RAB11FIP4: variants seen among roughly 807,000 people sequenced by gnomAD.
RAB11FIP4 encodes RAB11 family interacting protein 4.
A neutral mutation model predicts 74.3 loss-of-function variants in RAB11FIP4; 23 were observed. That is an observed-to-expected ratio of 0.31 (90% CI 0.22 to 0.44). The LOEUF (loss-of-function observed/expected upper bound fraction) is 0.44. Ranked by LOEUF, RAB11FIP4 falls within the 20% of genes least tolerant of loss-of-function variation. The probability of loss-of-function intolerance (pLI) is 1.00; values close to 1 mark genes in which losing one functional copy is unlikely to be tolerated. For synonymous variants in RAB11FIP4, 360 were observed against 359.9 expected, an observed-to-expected ratio of 1.00 and a Z score of 0.00; for missense variants, 630 against 863.9, an observed-to-expected ratio of 0.73 and a Z score of 3.39.
At chr17:31,497,583 A>G (rs995016916) in intron 3 of RAB11FIP4, among the ~76,000 whole-genome samples, 1 of 151,994 alleles carries the variant, frequency 6.6e-6, no homozygotes, top group Non-Finnish European at 1.5e-5. Flanking sequence ...GAGAGGAGGA[A>G]GAGTGGTGGG....
chr17:31,401,633 C>T (rs1168495961), intron 1 of RAB11FIP4, among the ~76,000 whole-genome samples: 1 of 152,230 alleles, frequency 6.6e-6, no homozygotes, highest in African/African-American at 2.4e-5. Context: ...AGAAGATTGC[C>T]AGCTTCCTCC....
At chr17:31,488,318 C>T in intron 3 of RAB11FIP4, 4 of 1,095,914 alleles carry the variant, frequency 3.6e-6, no homozygotes, top group African/African-American at 1.7e-5. Flanking sequence ...TCCGGCGGCG[C>T]GCACCTGGCT....
chr17:31,525,110 T>C lies in RAB11FIP4; in HGVS notation c.1154T>C (p.Met385Thr), dbSNP rs1435466745. 6.5e-7 allele frequency: 1 copy of C among 1,550,196 alleles called. No homozygotes were observed. Among genetic ancestry groups the C allele is most frequent in the Non-Finnish European group, 8.7e-7 (1 of 1,147,044 alleles). ...LVHRVHELEE[M>T]VKDQETTAEQ... ...CTCAGGGTGCATGAGCTGGAGGAGA[T>C]GGTGAAGGATCAGGAGACCACGGCC... is the stretch of plus-strand genomic sequence containing the variant. Residue 385 changes from methionine (M) to threonine (T), a missense_variant, in exon 10 of 15, where the codon ATG becomes ACG. Transcript: ENST00000621161.
chr17:31,398,814 C>A (rs1253394993), intron 1 of RAB11FIP4, among the ~76,000 whole-genome samples: 1 of 152,202 alleles, frequency 6.6e-6, no homozygotes, highest in Non-Finnish European at 1.5e-5. Flanking sequence ...CCAGGAGATT[C>A]CTGTGTGCTG....
intron 1 of RAB11FIP4, among the ~76,000 whole-genome samples, chr17:31,414,342 C>G (rs2071127371): frequency 6.6e-6 from 1 of 152,248 alleles, no homozygotes; most frequent in Admixed American, 6.5e-5. Context: ...TCCTGGGAGC[C>G]TCTCTGTCTC....
intron 3 of RAB11FIP4, among the ~76,000 whole-genome samples, chr17:31,453,640 C>T (rs1237473569): frequency 6.6e-6 from 1 of 151,588 alleles, no homozygotes; most frequent in Non-Finnish European, 1.5e-5. Flanking sequence ...GCCTGGCCAA[C>T]ATGGTGAAAT....
chr17:31,527,469 T>C, intron 10 of RAB11FIP4: 1 of 183,758 alleles, frequency 5.4e-6, no homozygotes, highest in East Asian at 1.4e-4. Flanking sequence ...GGCGTGGTGG[T>C]GCATGCCTCT....
rs377422032 is a variant in RAB11FIP4 at position 31,403,612 on chromosome 17, G to A, written c.159+11601G>A. ...CCTGGGGTTACAGGCATGAGCCACCGCGCCCGGCCCTGCCTTTGTATTTCT... is the reference window on the plus strand; with the variant it reads ...CCTGGGGTTACAGGCATGAGCCACCACGCCCGGCCCTGCCTTTGTATTTCT... On this transcript the variant is annotated intron_variant, in intron 1 of 14. Transcript: ENST00000621161. Among the ~76,000 whole-genome samples the A allele has an allele frequency of 1.9e-4, 29 of 152,214 alleles. 2 individuals carry two copies. The highest frequency in any genetic ancestry group is 9.7e-4 in the East Asian group (5 of 5,166).
intron 3 of RAB11FIP4, among the ~76,000 whole-genome samples, chr17:31,463,185 G>T (rs1043244060): frequency 1.3e-5 from 2 of 152,212 alleles, no homozygotes; most frequent in African/African-American, 4.8e-5. Context: ...AGGCCGCTCA[G>T]CTTAATGGAG....
Position 31,536,134 on chromosome 17 carries a change from G to C in RAB11FIP4, c.*4402G>C, listed in dbSNP as rs939781212. On this transcript the variant is annotated 3_prime_UTR_variant, in exon 15 of 15. Transcript: ENST00000621161. Reference sequence around the variant, plus strand: ...GGCCAGCAGGGCCAGGTGAAACTGGGAGAAATGAAGCCCTCTGTGTCCTGT... The same window carrying C: ...GGCCAGCAGGGCCAGGTGAAACTGGCAGAAATGAAGCCCTCTGTGTCCTGT... 6.6e-6 allele frequency: 1 copy of C among 152,136 alleles called. No individual in the cohort carries two copies. Among genetic ancestry groups the C allele is most frequent in the Non-Finnish European group, 1.5e-5 (1 of 68,058 alleles). The allele number at this position is 152,136 out of a possible 1,614,324, so 9.4% of individuals were successfully genotyped here.
chr17:31,414,629 G>C (rs2071130004), intron 1 of RAB11FIP4, among the ~76,000 whole-genome samples: 2 of 152,178 alleles, frequency 1.3e-5, no homozygotes, highest in Admixed American at 1.3e-4. Context: ...TGTGGCGGCT[G>C]GGACAGCGCT....
rs375726223 is a variant in RAB11FIP4 at position 31,522,401 on chromosome 17, G to T, written c.929+6G>T. The T allele has an allele frequency of 6.2e-7, 1 of 1,613,622 alleles. No homozygotes were observed. The highest frequency in any genetic ancestry group is 8.5e-7 in the Non-Finnish European group (1 of 1,179,806). ...TCCAGCACGGCCTTTGGACGGTAAG[G>T]CCCGCCTCGAGGGAGGGCAAATTGA... On this transcript the variant is annotated splice_donor_region_variant and intron_variant, in intron 7 of 14. Coordinates refer to ENST00000621161, the MANE Select transcript of RAB11FIP4 (RefSeq NM_032932.6).
At chr17:31,459,990 C>T (rs1163300031) in intron 3 of RAB11FIP4, among the ~76,000 whole-genome samples, 1 of 152,190 alleles carries the variant, frequency 6.6e-6, no homozygotes, top group Non-Finnish European at 1.5e-5. Flanking sequence ...GCCTTGCGGT[C>T]ACTCCCGGCC....
intron 3 of RAB11FIP4, among the ~76,000 whole-genome samples, chr17:31,490,738 G>A (rs2071991906): frequency 6.6e-6 from 1 of 152,096 alleles, no homozygotes; most frequent in Non-Finnish European, 1.5e-5. Flanking sequence ...TTTTGTTTTT[G>A]TAGAGATGGG....
Position 31,536,075 on chromosome 17 carries a change from G to C in RAB11FIP4, c.*4343G>C, listed in dbSNP as rs1289074826. On this transcript the variant is annotated 3_prime_UTR_variant, in exon 15 of 15. Coordinates refer to ENST00000621161, the MANE Select transcript of RAB11FIP4 (RefSeq NM_032932.6). ...CGCGGGGACAGAAGCGCGGGTTCTT[G>C]GTTCCAATGAGGGACTTAGCAGAAG... 6.6e-6 allele frequency: 1 copy of C among 151,956 alleles called. No individual in the cohort carries two copies. Among genetic ancestry groups the C allele is most frequent in the Non-Finnish European group, 1.5e-5 (1 of 68,056 alleles). 9.4% of individuals were successfully genotyped at this position (151,956 alleles called of 1,614,324 possible).
At chr17:31,437,223 C>G (rs1194308351) in intron 3 of RAB11FIP4, among the ~76,000 whole-genome samples, 1 of 152,268 alleles carries the variant, frequency 6.6e-6, no homozygotes, top group Non-Finnish European at 1.5e-5. Flanking sequence ...CCATTCCCTA[C>G]CATGGGCTTC....
rs535181512 is a variant in RAB11FIP4, at chr17:31,490,422, G to T, written c.337-27229G>T. On this transcript the variant is annotated intron_variant, in intron 3 of 14. Coordinates refer to ENST00000621161, the MANE Select transcript of RAB11FIP4 (RefSeq NM_032932.6). ...ATATGTTTTAGGTATGGGTAAGGAG[G>T]GGGTGAAGGGGGTAGGAGAGGCTCC... Among the ~76,000 whole-genome samples, 5 of 152,322 alleles carry T rather than the reference G, an allele frequency of 3.3e-5. No individual in the cohort carries two copies. The East Asian group carries it at 7.7e-4, about 23-fold the overall frequency.
intron 13 of RAB11FIP4, among the ~76,000 whole-genome samples, chr17:31,529,737 G>A (rs1356875823): frequency 6.6e-6 from 1 of 152,214 alleles, no homozygotes; most frequent in African/African-American, 2.4e-5. Context: ...TTCCACTGGG[G>A]ACAAAGGTGC....
intron 3 of RAB11FIP4, among the ~76,000 whole-genome samples, chr17:31,468,410 G>A (rs1378787165): frequency 2.0e-5 from 3 of 152,112 alleles, no homozygotes; most frequent in Non-Finnish European, 4.4e-5. Flanking sequence ...ATGTCCTTGC[G>A]CAGGTTATTT....
Sources: allele counts gnomAD v4.1 joint callset (sites outside exome capture counted in the v4.1 genomes callset), GRCh38; gene constraint gnomAD v4.1.1; transcripts MANE v1.5; gene names NCBI Gene and HGNC (gene_info 2026-07-23, HGNC 2026-07-21).